Variants in GMPR observed in about 807,000 individuals in gnomAD.
GMPR encodes guanosine monophosphate reductase.
A neutral mutation model predicts 38.4 loss-of-function variants in GMPR; 31 were observed. That is an observed-to-expected ratio of 0.81 (90% CI 0.61 to 1.09). GMPR has a LOEUF of 1.09. Among genes scored for constraint, GMPR ranks in the 50% least tolerant of loss-of-function variants. The pLI, the probability that GMPR is intolerant of heterozygous loss-of-function variation, is 0.00. For missense variants in GMPR, 468 were observed against 453.7 expected, an observed-to-expected ratio of 1.03 and a Z score of -0.29; for synonymous variants, 162 against 173.3, an observed-to-expected ratio of 0.93 and a Z score of 0.51.
At chr6:16,261,488 A>G (rs1283361421) in intron 4 of GMPR, among the ~76,000 whole-genome samples, 1 of 152,034 alleles carries the variant, frequency 6.6e-6, no homozygotes, top group Non-Finnish European at 1.5e-5. Context: ...GATCCAGAAC[A>G]GAATAATGGA....
In GMPR at chr6:16,247,340, G is replaced by A. The variant is rs575280392; in HGVS notation, c.207+379G>A. On this transcript the variant is annotated intron_variant, in intron 2 of 8. Transcript: ENST00000259727. The stretch of plus-strand genomic sequence containing the variant: ...TATAATTATGTTGAATACATGTATC[G>A]AGCGCTTATGTACGAAACACTGCAG... Among the ~76,000 whole-genome samples, 9 of 151,772 alleles carry A rather than the reference G, an allele frequency of 5.9e-5. No homozygotes were observed. The South Asian group carries it at 6.3e-4, about 11-fold the overall frequency.
rs1224700860 is a variant in GMPR, at chr6:16,248,401, T to G, written c.207+1440T>G. ...TTTATGGGTGAGGTGCAGAGCGTCTTCTGCATCCTAGATGTGGAATGTCTG... is the reference window on the plus strand; with the variant it reads ...TTTATGGGTGAGGTGCAGAGCGTCTGCTGCATCCTAGATGTGGAATGTCTG... On this transcript the variant is annotated intron_variant, in intron 2 of 8. Transcript: ENST00000259727. 4.0e-5 allele frequency among the ~76,000 whole-genome samples: 6 copies of G among 151,380 alleles called. No individual in the cohort carries two copies. The East Asian group carries it at 5.8e-4, about 15-fold the overall frequency.
intron 4 of GMPR, among the ~76,000 whole-genome samples, chr6:16,267,089 C>A (rs1476603088): frequency 6.6e-6 from 1 of 151,970 alleles, no homozygotes; most frequent in African/African-American, 2.4e-5. Context: ...CATGGCCGGG[C>A]GCTGTGGCTC....
At chr6:16,268,141 A>G (rs1287187516) in intron 4 of GMPR, among the ~76,000 whole-genome samples, 3 of 152,106 alleles carry the variant, frequency 2.0e-5, no homozygotes, top group Admixed American at 6.5e-5. Flanking sequence ...GATTTTCTGT[A>G]TTCACCCACT....
At chr6:16,273,054 G>A (rs1759412291) in intron 4 of GMPR, among the ~76,000 whole-genome samples, 1 of 152,104 alleles carries the variant, frequency 6.6e-6, no homozygotes, top group African/African-American at 2.4e-5. Flanking sequence ...CTGAATTTGG[G>A]GAGTATAACT....
chr6:16,289,059 C>CT (rs1759763179), intron 7 of GMPR, among the ~76,000 whole-genome samples: 1 of 152,156 alleles, frequency 6.6e-6, no homozygotes, highest in South Asian at 2.1e-4. Flanking sequence ...GGCTCCTTTT[C>CT]TTTGGGAGGG....
intron 4 of GMPR, among the ~76,000 whole-genome samples, chr6:16,266,130 TTGCC>T (rs1759208866): frequency 4.3e-5 from 2 of 46,864 alleles, no homozygotes; most frequent in African/African-American, 5.9e-4. Flanking sequence ...GCTGTAACAC[TTGCC>T]ATCTTTAAGA....
intron 3 of GMPR, among the ~76,000 whole-genome samples, chr6:16,251,734 G>A (rs942214211): frequency 1.3e-5 from 2 of 152,010 alleles, no homozygotes; most frequent in African/African-American, 4.8e-5. Context: ...CTTTGGGAGG[G>A]TTATGAAAAT....
intron 4 of GMPR, among the ~76,000 whole-genome samples, chr6:16,257,246 C>T (rs1328014150): frequency 6.6e-6 from 1 of 152,170 alleles, no homozygotes; most frequent in Admixed American, 6.5e-5. Context: ...TGGAGGGTGG[C>T]AGACCCCAGC....
Position 16,290,543 on chromosome 6 carries a change from G to A in GMPR, c.779G>A (p.Gly260Glu). The change falls in exon 8 of 9, where the codon GGA becomes GAA. Residue 260 changes from glycine to glutamate, a missense_variant. Gly to Glu is a moderately conservative substitution (Grantham distance 98, BLOSUM62 -2). Coordinates refer to ENST00000259727, the MANE Select transcript of GMPR (RefSeq NM_006877.4). ...GCTGGAGAAGTGTTTGAGAGGAACG[G>A]ACGGAAGCTCAAGCTCTTCTACGGG... ...ECAGEVFERN[G>E]RKLKLFYGMS... The A allele has an allele frequency of 6.2e-7, 1 of 1,614,076 alleles. No homozygotes were observed. Among genetic ancestry groups the A allele is most frequent in the South Asian group, 1.1e-5 (1 of 91,092 alleles).
chr6:16,240,759 T>A (rs1758633257), intron 1 of GMPR, among the ~76,000 whole-genome samples: 1 of 152,242 alleles, frequency 6.6e-6, no homozygotes, highest in African/African-American at 2.4e-5. Flanking sequence ...CAGTTTGGGA[T>A]AGCATCTTTG....
chr6:16,295,364 GC>G lies in GMPR; in HGVS notation c.*181del. 1 of 475,744 alleles carries G rather than the reference GC, an allele frequency of 2.1e-6. No individual in the cohort carries two copies. The highest frequency in any genetic ancestry group is 3.6e-6 in the Non-Finnish European group (1 of 280,418). The allele number at this position is 475,744 out of a possible 1,614,324, so 29.5% of individuals were successfully genotyped here. On this transcript the variant is annotated 3_prime_UTR_variant, in exon 9 of 9. Transcript: ENST00000259727. ...GGGCTCTCCCGCCTGCCTTCTCGGGGCCCAGACGCAAGGCACCGATTGGGCC... is the reference window on the plus strand; with the variant it reads ...GGGCTCTCCCGCCTGCCTTCTCGGGGCCAGACGCAAGGCACCGATTGGGCC...
chr6:16,246,748 C>G, intron 1 of GMPR, 94 bp from the exon 2 acceptor site: 1 of 1,220,374 alleles, frequency 8.2e-7, no homozygotes, highest in Non-Finnish European at 1.2e-6. Flanking sequence ...TGTCTTGTTC[C>G]TACTCGCTCC....
chr6:16,268,779 C>T (rs80269665), intron 4 of GMPR, among the ~76,000 whole-genome samples: 24 of 152,086 alleles, frequency 1.6e-4, no homozygotes, highest in Middle Eastern at 3.4e-3. Context: ...TAAAAAGTTC[C>T]AGAGATGGAT....
intron 7 of GMPR, chr6:16,289,389 G>A (rs1340070628): frequency 6.6e-6 from 1 of 152,294 alleles, no homozygotes; most frequent in Non-Finnish European, 1.5e-5. Flanking sequence ...AATGGGGAAT[G>A]ATAACTTTTT....
chr6:16,259,901 G>T (rs2113679102), intron 4 of GMPR, among the ~76,000 whole-genome samples: 1 of 152,242 alleles, frequency 6.6e-6, no homozygotes, highest in South Asian at 2.1e-4. Context: ...TGGAGAAACA[G>T]TGTAAACCGG....
Position 16,290,488 on chromosome 6 carries a change from G to A in GMPR, c.724G>A (p.Gly242Arg). 6.2e-7 allele frequency: 1 copy of A among 1,614,110 alleles called. No individual in the cohort carries two copies. Among genetic ancestry groups the A allele is most frequent in the African/African-American group, 1.3e-5 (1 of 75,040 alleles). Reference protein sequence around the residue: ...FGAGADFVMLGGMFSGHTECA... With the variant: ...FGAGADFVMLRGMFSGHTECA... ...AGCTGGAGCAGATTTTGTCATGCTG[G>A]GAGGAATGTTTTCGGGTCATACGGA... is the stretch of plus-strand genomic sequence containing the variant. The change falls in exon 8 of 9, where the codon GGA (glycine) becomes AGA (arginine). Residue 242 changes from glycine (G) to arginine (R), a missense_variant. Gly to Arg is a moderately radical substitution (Grantham distance 125). Coordinates refer to ENST00000259727, the MANE Select transcript of GMPR (RefSeq NM_006877.4).
intron 8 of GMPR, among the ~76,000 whole-genome samples, chr6:16,291,463 A>G (rs1448169323): frequency 6.6e-6 from 1 of 152,040 alleles, no homozygotes; most frequent in Non-Finnish European, 1.5e-5. Context: ...ACTTCCAGTG[A>G]TCCACCCACC....
rs989215962 is a variant in GMPR at position 16,261,898 on chromosome 6, C to T, written c.465+7163C>T. ...GGCTTTGGATTGGGAAGAAGGGCGG[C>T]AATGAGATGTAGCTGTAATCCAGGA... is the stretch of plus-strand genomic sequence containing the variant. On this transcript the variant is annotated intron_variant, in intron 4 of 8. Transcript: ENST00000259727. 1.2e-4 allele frequency among the ~76,000 whole-genome samples: 18 copies of T among 151,636 alleles called. 2 individuals are homozygous for T. The highest frequency in any genetic ancestry group is 2.1e-4 in the South Asian group (1 of 4,812).
Sources: gnomAD v4.1 joint callset for allele counts (sites outside exome capture counted in the v4.1 genomes callset) on GRCh38, gnomAD v4.1.1 for gene constraint, MANE v1.5 for transcripts, NCBI Gene and HGNC (gene_info 2026-07-23, HGNC 2026-07-21) for gene names.